Variants in LYPD6B observed in about 807,000 individuals in gnomAD.
The protein encoded by LYPD6B is ly6/PLAUR domain-containing protein 6B.
A neutral mutation model predicts 22.8 loss-of-function variants in LYPD6B; 17 were observed. That is an observed-to-expected ratio of 0.75 (90% confidence interval 0.51 to 1.12). The LOEUF is 1.12. LYPD6B is among the 50% of genes most tolerant of loss of function. The pLI is 0.00. For missense variants in LYPD6B, 221 were observed against 258.3 expected, an observed-to-expected ratio of 0.86 and a Z score of 0.99; for synonymous variants, 106 against 91.6, an observed-to-expected ratio of 1.16 and a Z score of -0.90.
At chr2:149,095,482 T>C (rs1247880541) in intron 1 of LYPD6B, among the ~76,000 whole-genome samples, 1 of 152,142 alleles carries the variant, frequency 6.6e-6, no homozygotes, top group Non-Finnish European at 1.5e-5. Context: ...TGGTTAAGCA[T>C]AGGAATACTT....
chr2:149,152,676 C>T (rs450075), intron 2 of LYPD6B, among the ~76,000 whole-genome samples: 98,811 of 151,988 alleles, frequency 0.65, 32,285 homozygotes, highest in South Asian at 0.76. Flanking sequence ...GCAGTCATTG[C>T]CATGGTAATT....
chr2:149,041,842 A>G (rs1683102296), intron 1 of LYPD6B, among the ~76,000 whole-genome samples: 1 of 152,194 alleles, frequency 6.6e-6, no homozygotes, highest in Admixed American at 6.5e-5. Flanking sequence ...TTCCTCAACA[A>G]GCTTACACCT....
chr2:149,047,735 C>A (rs1466932875), intron 1 of LYPD6B, among the ~76,000 whole-genome samples: 1 of 152,078 alleles, frequency 6.6e-6, no homozygotes, highest in Non-Finnish European at 1.5e-5. Context: ...TTCTTTTCTC[C>A]TGAAATTTCA....
At chr2:149,119,750 T>C (rs1235953468) in intron 1 of LYPD6B, among the ~76,000 whole-genome samples, 1 of 152,322 alleles carries the variant, frequency 6.6e-6, no homozygotes, top group South Asian at 2.1e-4. Context: ...AAAGCTCCAG[T>C]GAAGGCCCCC....
At chr2:149,153,265 G>C (rs943287294) in intron 2 of LYPD6B, among the ~76,000 whole-genome samples, 1 of 152,132 alleles carries the variant, frequency 6.6e-6, no homozygotes, top group Non-Finnish European at 1.5e-5. Context: ...AATCTGTTTT[G>C]ACCAGGGCTT....
chr2:149,079,879 G>T (rs10803790), intron 1 of LYPD6B, among the ~76,000 whole-genome samples: 1 of 151,820 alleles, frequency 6.6e-6, no homozygotes. Context: ...TTTCATTCTC[G>T]CAACCTTTTG....
intron 1 of LYPD6B, among the ~76,000 whole-genome samples, chr2:149,086,630 C>T (rs527860846): frequency 3.3e-5 from 5 of 152,284 alleles, no homozygotes; most frequent in African/African-American, 1.2e-4. Context: ...AAGACAGCTT[C>T]CCTTTTTTCT....
intron 3 of LYPD6B, among the ~76,000 whole-genome samples, chr2:149,162,758 A>G (rs1182107190): frequency 1.3e-5 from 2 of 152,128 alleles, no homozygotes; most frequent in Non-Finnish European, 2.9e-5. Context: ...CTTTTTTCAC[A>G]TAGTCTCTAT....
At chr2:149,168,183 G>A (rs576715445) in intron 3 of LYPD6B, among the ~76,000 whole-genome samples, 1 of 134,868 alleles carries the variant, frequency 7.4e-6, no homozygotes, top group Admixed American at 8.3e-5. Flanking sequence ...CTGCACTGTA[G>A]CCTGGGCAAC....
chr2:149,121,725 C>A (rs2105610662), intron 1 of LYPD6B, among the ~76,000 whole-genome samples: 1 of 152,304 alleles, frequency 6.6e-6, no homozygotes, highest in South Asian at 2.1e-4. Context: ...CACAGAGAAG[C>A]AGGACCTGCC....
intron 2 of LYPD6B, among the ~76,000 whole-genome samples, chr2:149,146,550 A>T (rs1253943719): frequency 2.0e-5 from 3 of 152,144 alleles, no homozygotes; most frequent in African/African-American, 7.2e-5. Flanking sequence ...TTGTCTGAGG[A>T]GCAGTGGGAG....
chr2:149,211,530 G>A (rs1320300526), intron 5 of LYPD6B, among the ~76,000 whole-genome samples: 1 of 151,944 alleles, frequency 6.6e-6, no homozygotes, highest in Non-Finnish European at 1.5e-5. Flanking sequence ...GGAGTACCTG[G>A]CTGATAGTGC....
rs148252894 is a variant in LYPD6B at position 149,051,178 on chromosome 2, T to A, written c.-67+12377T>A. Among the ~76,000 whole-genome samples the A allele has an allele frequency of 4.3e-3, 650 of 152,142 alleles. 5 individuals are homozygous for A. Among genetic ancestry groups the A allele is most frequent in the African/African-American group, 0.014 (569 of 41,516 alleles). ...GAACAATATTATTATTATTATTATT[T>A]TTTTTGAGATGGAGTCTCGCTCTGT... On this transcript the variant is annotated intron_variant, in intron 1 of 6. Transcript: ENST00000409642.
At chr2:149,150,951 A>G (rs57884131) in intron 2 of LYPD6B, among the ~76,000 whole-genome samples, 4,525 of 152,070 alleles carry the variant, frequency 0.03, 228 homozygotes, top group African/African-American at 0.1. Flanking sequence ...TAAGAGTCCT[A>G]CCCTATTCTC....
chr2:149,189,078 C>T (rs10208583), intron 3 of LYPD6B, among the ~76,000 whole-genome samples: 125,781 of 151,500 alleles, frequency 0.83, 53,887 homozygotes, highest in South Asian at 0.97. Context: ...GGACCATTGC[C>T]TCCTTTCCTA....
chr2:149,203,234 G>C (rs1575173877), intron 3 of LYPD6B, among the ~76,000 whole-genome samples: 1 of 152,190 alleles, frequency 6.6e-6, no homozygotes, highest in African/African-American at 2.4e-5. Flanking sequence ...AGGTCCCATA[G>C]TTGCTTAGTA....
intron 1 of LYPD6B, among the ~76,000 whole-genome samples, chr2:149,107,320 G>C (rs1037305170): frequency 1.3e-5 from 2 of 152,128 alleles, no homozygotes; most frequent in Non-Finnish European, 2.9e-5. Flanking sequence ...TTACCTTCCT[G>C]GTGGGATGAA....
rs1684526979 is a variant in LYPD6B at position 149,070,070 on chromosome 2, A to G, written c.-67+31269A>G. 3.3e-5 allele frequency among the ~76,000 whole-genome samples: 5 copies of G among 152,106 alleles called. No homozygotes were observed. The South Asian group carries it at 1.0e-3, about 32-fold the overall frequency. On this transcript the variant is annotated intron_variant, in intron 1 of 6. Coordinates refer to ENST00000409642, the MANE Select transcript of LYPD6B (RefSeq NM_177964.5). ...AACAGGTGGCTTTTCTGTGATGAAT[A>G]AAAATGCATATGTTTTGGAAGCAAG...
chr2:149,140,370 G>A (rs1688617041), intron 2 of LYPD6B, among the ~76,000 whole-genome samples: 1 of 152,196 alleles, frequency 6.6e-6, no homozygotes, highest in Admixed American at 6.5e-5. Flanking sequence ...GGGCTGCTGG[G>A]AAGTGGCAGG....
Sources: allele counts gnomAD v4.1 joint callset (sites outside exome capture counted in the v4.1 genomes callset), GRCh38; gene constraint gnomAD v4.1.1; transcripts MANE v1.5; gene names NCBI Gene and HGNC (gene_info 2026-07-23, HGNC 2026-07-21).